COBLL1: variants seen among roughly 807,000 people sequenced by gnomAD.
COBLL1 encodes cordon-bleu protein-like 1.
COBLL1 carries 50 observed loss-of-function variants against 94.8 expected under a neutral mutation model. That is an observed-to-expected ratio of 0.53 (90% confidence interval 0.42 to 0.67). COBLL1 has a LOEUF of 0.67. COBLL1 is among the 30% of genes least tolerant of loss of function. The pLI, the probability that COBLL1 is intolerant of heterozygous loss-of-function variation, is 0.00. For synonymous variants in COBLL1, 448 were observed against 473.8 expected (o/e 0.95, Z 0.71); for missense variants, 1,362 against 1,348.7 (o/e 1.01, Z -0.15).
At position 164,695,212 on chromosome 2, in the gene COBLL1, G is replaced by GCATTATTT; in HGVS notation, c.2179_2180insAAATAATG (p.Pro727GlnfsTer8). On this transcript the variant is annotated frameshift_variant, in exon 12 of 14. Transcript: ENST00000652658. LOFTEE classifies it high-confidence loss of function. ...TTTATAAGTAGTCATGCCAATTTTG[G>GCATTATTT]GTATATACTCTCGTGTAATTTCATT... The GCATTATTT allele has an allele frequency of 6.2e-7, 1 of 1,613,816 alleles. No homozygotes were observed. Among genetic ancestry groups the GCATTATTT allele is most frequent in the Admixed American group, 1.7e-5 (1 of 59,980 alleles).
intron 2 of COBLL1, among the ~76,000 whole-genome samples, chr2:164,821,365 A>C (rs1289474431): frequency 1.3e-5 from 2 of 152,190 alleles, no homozygotes; most frequent in Non-Finnish European, 2.9e-5. Context: ...AAAACACAGA[A>C]AGGAAATGCA....
At chr2:164,721,874 G>A (rs528410062) in intron 7 of COBLL1, 5 of 382,840 alleles carry the variant, frequency 1.3e-5, no homozygotes, top group East Asian at 4.1e-5. Flanking sequence ...TCACAGACCT[G>A]TATGTACATA....
chr2:164,716,141 T>C (rs190611635), intron 7 of COBLL1, among the ~76,000 whole-genome samples: 4 of 152,322 alleles, frequency 2.6e-5, no homozygotes, highest in East Asian at 3.9e-4. Context: ...GGTCAGCAGA[T>C]ACGGTGCAGA....
chr2:164,787,455 A>G (rs1682919970), intron 2 of COBLL1, among the ~76,000 whole-genome samples: 1 of 151,488 alleles, frequency 6.6e-6, no homozygotes, highest in African/African-American at 2.4e-5. Flanking sequence ...GAGATGATGA[A>G]TATGTTAATT....
At chr2:164,708,015 G>C (rs925308023) in intron 7 of COBLL1, among the ~76,000 whole-genome samples, 3 of 152,148 alleles carry the variant, frequency 2.0e-5, no homozygotes, top group Admixed American at 6.5e-5. Context: ...GAGGAAGGCA[G>C]GTCACTTCAA....
At chr2:164,795,656 G>A (rs1182922416) in intron 2 of COBLL1, among the ~76,000 whole-genome samples, 2 of 151,754 alleles carry the variant, frequency 1.3e-5, no homozygotes, top group African/African-American at 4.8e-5. Context: ...AATATCTAAG[G>A]TGTTTTACTG....
Position 164,694,328 on chromosome 2 carries a change from C to T in COBLL1, c.3064G>A (p.Gly1022Arg), listed in dbSNP as rs746884499. The T allele has an allele frequency of 1.9e-6, 3 of 1,613,870 alleles. No homozygotes were observed. The highest frequency in any genetic ancestry group is 3.3e-5 in the Admixed American group (2 of 59,984). Reference sequence around the variant, plus strand: ...AATTTATTTACAGAATGAGTCTTCCCTTCCTCTGTGTTGGCTGGAGGTTGG... The same window carrying T: ...AATTTATTTACAGAATGAGTCTTCCTTTCCTCTGTGTTGGCTGGAGGTTGG... ...LVQPPANTEE[G>R]KTHSVNKFVD... The change falls in exon 12 of 14, where the codon GGG becomes AGG. Residue 1022 changes from glycine to arginine, a missense_variant. Coordinates refer to ENST00000652658, the MANE Select transcript of COBLL1 (RefSeq NM_001365672.2).
intron 2 of COBLL1, among the ~76,000 whole-genome samples, chr2:164,663,570 T>C (rs1348148884): frequency 3.3e-5 from 5 of 152,306 alleles, no homozygotes; most frequent in South Asian, 4.1e-4. Flanking sequence ...TGATGCTGGA[T>C]TGGATAAAGA....
At chr2:164,813,544 A>G (rs721668) in intron 2 of COBLL1, among the ~76,000 whole-genome samples, 56,623 of 151,968 alleles carry the variant, frequency 0.37, 10,768 homozygotes, top group Admixed American at 0.42. Flanking sequence ...TGAGTTGGTG[A>G]CCCTTTCAGG....
intron 7 of COBLL1, among the ~76,000 whole-genome samples, chr2:164,713,261 T>C (rs954163745): frequency 1.3e-5 from 2 of 152,140 alleles, no homozygotes; most frequent in Non-Finnish European, 2.9e-5. Context: ...AAAAGTCATA[T>C]AACATCAGAG....
chr2:164,767,637 A>G (rs1281944690), intron 2 of COBLL1, among the ~76,000 whole-genome samples: 1 of 152,158 alleles, frequency 6.6e-6, no homozygotes, highest in Non-Finnish European at 1.5e-5. Flanking sequence ...ACATTTCAAC[A>G]CATCTGCAAA....
intron 9 of COBLL1, among the ~76,000 whole-genome samples, chr2:164,704,078 C>G (rs1176736888): frequency 6.6e-6 from 1 of 152,148 alleles, no homozygotes; most frequent in Non-Finnish European, 1.5e-5. Flanking sequence ...TGTGCTTACA[C>G]TTTCCTGTAA....
intron 2 of COBLL1, among the ~76,000 whole-genome samples, chr2:164,777,123 T>C (rs886148173): frequency 6.6e-6 from 1 of 152,174 alleles, no homozygotes; most frequent in Non-Finnish European, 1.5e-5. Context: ...ATATGTTCCA[T>C]GATCTAATCC....
Position 164,730,455 on chromosome 2 carries a change from G to A in COBLL1, c.231-340C>T, listed in dbSNP as rs144788818. Among the ~76,000 whole-genome samples, 944 of 152,028 alleles carry A rather than the reference G, an allele frequency of 6.2e-3. 9 individuals are homozygous for A. The highest frequency in any genetic ancestry group is 0.021 in the Middle Eastern group (6 of 292). ...TGAGGTTGCAATGAGCCGAGATCGC[G>A]CCACTGCACTCCAGCCTGGGCAACA... On this transcript the variant is annotated intron_variant, in intron 3 of 13. Transcript: ENST00000652658.
intron 13 of COBLL1, among the ~76,000 whole-genome samples, chr2:164,688,064 A>T (rs374803347): frequency 4.1e-5 from 2 of 48,508 alleles, no homozygotes; most frequent in African/African-American, 6.4e-4. Context: ...ATAGTATATG[A>T]ATATATATAT....
At position 164,827,245 on chromosome 2, in the gene COBLL1, G is replaced by A. The variant is rs76215973; in HGVS notation, c.41+13911C>T. Among the ~76,000 whole-genome samples the A allele has an allele frequency of 2.6e-3, 397 of 152,130 alleles. 3 individuals are homozygous for A. Among genetic ancestry groups the A allele is most frequent in the African/African-American group, 9.1e-3 (378 of 41,518 alleles). The stretch of plus-strand genomic sequence containing the variant: ...ATTGCAGGCATAAGCCATCATGCCC[G>A]GCCCATTTCTTTAAGGTTTTTCTCA... On this transcript the variant is annotated intron_variant, in intron 2 of 13. Coordinates refer to ENST00000652658, the MANE Select transcript of COBLL1 (RefSeq NM_001365672.2).
intron 2 of COBLL1, among the ~76,000 whole-genome samples, chr2:164,819,319 AC>A (rs1574648755): frequency 6.6e-6 from 1 of 152,180 alleles, no homozygotes; most frequent in Non-Finnish European, 1.5e-5. Flanking sequence ...TATAAAGTCA[AC>A]AAGAGAAGAA....
intron 2 of COBLL1, among the ~76,000 whole-genome samples, chr2:164,840,270 T>TTATAAG: frequency 6.6e-6 from 1 of 152,174 alleles, no homozygotes; most frequent in South Asian, 2.1e-4. Context: ...ATAAACTATG[T>TTATAAG]TGGAGGAACA....
intron 2 of COBLL1, among the ~76,000 whole-genome samples, chr2:164,753,549 T>C (rs1687231186): frequency 6.6e-6 from 1 of 152,182 alleles, no homozygotes; most frequent in African/African-American, 2.4e-5. Flanking sequence ...GCCTTTCTTT[T>C]GCAGCAAAAC....
Sources: allele counts gnomAD v4.1 joint callset (sites outside exome capture counted in the v4.1 genomes callset), GRCh38; gene constraint gnomAD v4.1.1; transcripts MANE v1.5; gene names NCBI Gene and HGNC (gene_info 2026-07-23, HGNC 2026-07-21).